AGPAT3: variants seen among roughly 807,000 people sequenced by gnomAD.
AGPAT3 encodes 1-acylglycerol-3-phosphate O-acyltransferase 3.
Under a neutral mutation model 47.3 loss-of-function variants are expected in AGPAT3, and 5 were observed. The ratio of observed to expected loss-of-function variants is 0.11; its 90% CI spans 0.06 to 0.22. The LOEUF (loss-of-function observed/expected upper bound fraction) is 0.22. AGPAT3 is among the 10% of genes least tolerant of loss of function. The pLI is 1.00. For missense variants in AGPAT3, 315 were observed against 493.0 expected, an observed-to-expected ratio of 0.64 and a Z score of 3.42; for synonymous variants, 212 against 208.3, an observed-to-expected ratio of 1.02 and a Z score of -0.15.
intron 1 of AGPAT3, among the ~76,000 whole-genome samples, chr21:43,865,707 A>C (rs970967415): frequency 2.0e-5 from 3 of 150,736 alleles, no homozygotes; most frequent in Non-Finnish European, 4.4e-5. Context: ...GGCCGGGCCG[A>C]GGGAGGGCGA....
In AGPAT3 at chr21:43,911,323, A is replaced by G. The variant is rs3827245; in HGVS notation, c.-49+7304A>G. 1.8e-4 allele frequency among the ~76,000 whole-genome samples: 27 copies of G among 152,378 alleles called. No individual in the cohort carries two copies. The East Asian group carries it at 4.4e-3, about 25-fold the overall frequency. On this transcript the variant is annotated intron_variant, in intron 2 of 9. Coordinates refer to ENST00000291572, the MANE Select transcript of AGPAT3 (RefSeq NM_020132.5). ...AGCACAGTTACCTGATTATCAGTCT[A>G]CTAGAACCCGAGTGTGCTTTAAAGA... is the stretch of plus-strand genomic sequence containing the variant.
In AGPAT3 at chr21:43,958,272, G is replaced by A. The variant is rs931313375; in HGVS notation, c.-48-1362G>A. 5.9e-5 allele frequency among the ~76,000 whole-genome samples: 9 copies of A among 151,962 alleles called. 1 individual carries two copies. Among genetic ancestry groups the A allele is most frequent in the African/African-American group, 2.2e-4 (9 of 41,448 alleles). On this transcript the variant is annotated intron_variant, in intron 2 of 9. Transcript: ENST00000291572. ...AGTGTGGCATGTTTATGTGTATAGT[G>A]CTTGTTGTGTGTGTGAGACTGTGGT...
Position 43,985,397 on chromosome 21 carries a change from T to TAAAA in AGPAT3, c.*3017_*3020dup. 3.6e-6 allele frequency: 1 copy of TAAAA among 274,704 alleles called. No individual in the cohort carries two copies. Among genetic ancestry groups the TAAAA allele is most frequent in the Non-Finnish European group, 7.1e-6 (1 of 141,078 alleles). The allele number at this position is 274,704 out of a possible 1,614,324, so 17.0% of individuals were successfully genotyped here. A position where few individuals can be genotyped will look rare whatever the true frequency, so the allele number is the denominator to read the frequency against. On this transcript the variant is annotated 3_prime_UTR_variant, in exon 10 of 10. Transcript: ENST00000291572. ...ACAATGTAAGCAGCACTTTCTTGTG[T>TAAAA]AAAAAAAAAAAAAAAGCACGTCCTG...
intron 2 of AGPAT3, among the ~76,000 whole-genome samples, chr21:43,944,485 G>T (rs2087794043): frequency 6.6e-6 from 1 of 152,244 alleles, no homozygotes; most frequent in South Asian, 2.1e-4. Context: ...TGGAGAGGAG[G>T]CCGCGGGAGT....
At chr21:43,899,487 CTCTAAAGG>C (rs1356329736) in intron 1 of AGPAT3, among the ~76,000 whole-genome samples, 2 of 152,228 alleles carry the variant, frequency 1.3e-5, no homozygotes, top group Non-Finnish European at 2.9e-5. Context: ...CACCCAGAGC[CTCTAAAGG>C]TCTCTTAGAA....
chr21:43,888,043 T>C (rs1344269713), intron 1 of AGPAT3, among the ~76,000 whole-genome samples: 1 of 152,236 alleles, frequency 6.6e-6, no homozygotes. Flanking sequence ...TTTTAGTTTT[T>C]TGTTTGTTTA....
At chr21:43,885,353 A>G (rs1244068069) in intron 1 of AGPAT3, among the ~76,000 whole-genome samples, 1 of 143,452 alleles carries the variant, frequency 7.0e-6, no homozygotes, top group African/African-American at 2.6e-5. Flanking sequence ...TTCAATTACA[A>G]TTTTTTTTCT....
chr21:43,888,655 A>T lies in AGPAT3; in HGVS notation c.-111-15302A>T, dbSNP rs894135699. Among the ~76,000 whole-genome samples the T allele has an allele frequency of 2.0e-5, 3 of 152,262 alleles. No homozygotes were observed. The East Asian group carries it at 5.8e-4, about 29-fold the overall frequency. ...GTAGAAAATGAATTATTTAAATACC[A>T]GTTACAGTAGCATCCAAAATATGAA... On this transcript the variant is annotated intron_variant, in intron 1 of 9. Transcript: ENST00000291572.
At chr21:43,888,713 G>A (rs576792503) in intron 1 of AGPAT3, among the ~76,000 whole-genome samples, 3 of 152,298 alleles carry the variant, frequency 2.0e-5, no homozygotes, top group East Asian at 1.9e-4. Flanking sequence ...AACATGGGCC[G>A]GGCGAGGTGC....
intron 3 of AGPAT3, among the ~76,000 whole-genome samples, chr21:43,964,440 C>T (rs1203405437): frequency 6.6e-6 from 1 of 151,928 alleles, no homozygotes; most frequent in African/African-American, 2.4e-5. Context: ...AGGTGATCCG[C>T]CCACCTCGGC....
chr21:43,961,284 G>C (rs945882745), intron 3 of AGPAT3, among the ~76,000 whole-genome samples: 23 of 152,232 alleles, frequency 1.5e-4, no homozygotes, highest in African/African-American at 5.5e-4. Context: ...TTGCATGAGC[G>C]CATAGACACT....
intron 2 of AGPAT3, among the ~76,000 whole-genome samples, chr21:43,942,739 C>T (rs575940788): frequency 1.2e-3 from 185 of 152,290 alleles, no homozygotes; most frequent in Non-Finnish European, 2.4e-3. Flanking sequence ...TAGGGTGCAG[C>T]GGTCACCCTG....
intron 1 of AGPAT3, among the ~76,000 whole-genome samples, chr21:43,888,995 AAAAC>A (rs1442716964): frequency 2.0e-5 from 3 of 152,110 alleles, no homozygotes; most frequent in African/African-American, 4.8e-5. Context: ...TCTCAAAAAA[AAAAC>A]AAAGTTTCTT....
intron 2 of AGPAT3, among the ~76,000 whole-genome samples, chr21:43,906,596 T>C (rs1337320871): frequency 6.6e-6 from 1 of 152,092 alleles, no homozygotes; most frequent in Non-Finnish European, 1.5e-5. Flanking sequence ...TTGTTCCTCA[T>C]GGTGGCTGTG....
rs570465680 is a variant in AGPAT3 at position 43,934,940 on chromosome 21, C to T, written c.-48-24694C>T. Among the ~76,000 whole-genome samples, 8 of 151,576 alleles carry T rather than the reference C, an allele frequency of 5.3e-5. No homozygotes were observed. Among genetic ancestry groups the T allele is most frequent in the Non-Finnish European group, 5.9e-5 (4 of 67,880 alleles). ...ACCTCTGCCCCTCACATGTCACCCACGCCACTCACATGCCACTCACATGCC... is the reference window on the plus strand; with the variant it reads ...ACCTCTGCCCCTCACATGTCACCCATGCCACTCACATGCCACTCACATGCC... On this transcript the variant is annotated intron_variant, in intron 2 of 9. Transcript: ENST00000291572. This position sits in a 1 kb window ranked among gnomAD's most constrained non-coding sequence, Gnocchi z 4.7.
At chr21:43,924,626 G>A (rs987466499) in intron 2 of AGPAT3, among the ~76,000 whole-genome samples, 3 of 152,202 alleles carry the variant, frequency 2.0e-5, no homozygotes, top group Admixed American at 6.5e-5. Flanking sequence ...GACCTCCTCC[G>A]ACATCATGCT....
At chr21:43,894,591 T>A (rs1483317747) in intron 1 of AGPAT3, among the ~76,000 whole-genome samples, 1 of 152,220 alleles carries the variant, frequency 6.6e-6, no homozygotes, top group Non-Finnish European at 1.5e-5. Flanking sequence ...TTCTCTGCTA[T>A]CTATTTTGAA....
At chr21:43,905,140 C>CT (rs199511441) in intron 2 of AGPAT3, among the ~76,000 whole-genome samples, 57 of 148,860 alleles carry the variant, frequency 3.8e-4, no homozygotes, top group Non-Finnish European at 6.7e-4. Context: ...TTTAGTGTCT[C>CT]TTTTTTTAAA....
rs868551034 is a variant in AGPAT3, at chr21:43,984,857, T to G, written c.*2465T>G. On this transcript the variant is annotated 3_prime_UTR_variant, in exon 10 of 10. Transcript: ENST00000291572. ...AATTCAGTTGATGTTATGTCCAAAT[T>G]CAGGCTGAGTGCTCAGGCTGAAGCA... The G allele has an allele frequency of 2.8e-4, 86 of 312,104 alleles. 1 individual carries two copies. The Middle Eastern group carries it at 7.3e-3, about 26-fold the overall frequency. The allele number at this position is 312,104 out of a possible 1,614,324, so 19.3% of individuals were successfully genotyped here. A position where few individuals can be genotyped will look rare whatever the true frequency, so the allele number is the denominator to read the frequency against.
Sources: gnomAD v4.1 joint callset for allele counts (sites outside exome capture counted in the v4.1 genomes callset) on GRCh38, gnomAD v4.1.1 for gene constraint, Gnocchi (gnomAD v3.1) non-coding constraint, MANE v1.5 for transcripts, NCBI Gene and HGNC (gene_info 2026-07-23, HGNC 2026-07-21) for gene names.